The following BRINP3 variants were observed in gnomAD, a reference collection of about 807,000 sequenced individuals.
BRINP3 encodes the protein BMP/retinoic acid-inducible neural-specific protein 3.
Under a neutral mutation model 71.0 loss-of-function variants are expected in BRINP3, and 19 were observed. The ratio of observed to expected loss-of-function variants is 0.27; its 90% CI spans 0.19 to 0.39. The LOEUF is 0.39. Among genes scored for constraint, BRINP3 ranks in the 10% least tolerant of loss-of-function variants. The probability of loss-of-function intolerance (pLI) is 1.00; values close to 1 mark genes in which losing one functional copy is unlikely to be tolerated. For synonymous variants in BRINP3, 380 were observed against 337.7 expected (o/e 1.13, Z -1.37); for missense variants, 959 against 940.8 (o/e 1.02, Z -0.25).
intron 2 of BRINP3, among the ~76,000 whole-genome samples, chr1:190,347,697 A>G (rs1668115630): frequency 6.6e-6 from 1 of 152,146 alleles, no homozygotes; most frequent in Admixed American, 6.6e-5. Context: ...CTAATGCTAT[A>G]AATTTTTATT....
In BRINP3 at chr1:190,170,187, T is replaced by G. The variant is rs188404458; in HGVS notation, c.962-9297A>C. ...AACCATGAGGTAGGACAGTCTGGTT[T>G]TGTTGAGATGTGGTGTGAAATGAAT... is the stretch of plus-strand genomic sequence containing the variant. On this transcript the variant is annotated intron_variant, in intron 6 of 7. Transcript: ENST00000367462. Among the ~76,000 whole-genome samples, 258 of 152,252 alleles carry G rather than the reference T, an allele frequency of 1.7e-3. 1 individual carries two copies. Among genetic ancestry groups the G allele is most frequent in the African/African-American group, 6.1e-3 (253 of 41,548 alleles).
intron 6 of BRINP3, among the ~76,000 whole-genome samples, chr1:190,207,921 G>A (rs1024328800): frequency 6.6e-6 from 1 of 151,870 alleles, no homozygotes; most frequent in African/African-American, 2.4e-5. Context: ...AGTTGAACTC[G>A]CTCTAGGTAA....
chr1:190,157,217 G>A (rs1656949034), intron 7 of BRINP3, among the ~76,000 whole-genome samples: 1 of 151,914 alleles, frequency 6.6e-6, no homozygotes, highest in South Asian at 2.1e-4. Flanking sequence ...TTATGCATGG[G>A]TTTCGCATCC....
chr1:190,307,269 T>G (rs868567712), intron 2 of BRINP3, among the ~76,000 whole-genome samples: 85 of 123,298 alleles, frequency 6.9e-4, no homozygotes, highest in African/African-American at 1.9e-3. Context: ...TTTTTTTTTT[T>G]TTTTTTTTTT....
intron 7 of BRINP3, among the ~76,000 whole-genome samples, chr1:190,117,468 A>T (rs769587840): frequency 3.3e-5 from 5 of 151,958 alleles, no homozygotes; most frequent in Non-Finnish European, 7.4e-5. Context: ...GGACCCAGGT[A>T]TTTTTTAGCT....
chr1:190,307,272 T>G lies in BRINP3; in HGVS notation c.237-25522A>C, dbSNP rs944605768. On this transcript the variant is annotated intron_variant, in intron 2 of 7. Transcript: ENST00000367462. The stretch of plus-strand genomic sequence containing the variant: ...TTTAAAACATTGTTTTTTTTTTTTT[T>G]TTTTTTTTTTTTTTGAGACAGAGTC... Among the ~76,000 whole-genome samples the G allele has an allele frequency of 3.8e-3, 486 of 126,370 alleles. 5 individuals carry two copies. The highest frequency in any genetic ancestry group is 0.013 in the African/African-American group (455 of 33,964). 82.9% of individuals were successfully genotyped at this position (126,370 alleles called of 152,430 possible).
intron 2 of BRINP3, among the ~76,000 whole-genome samples, chr1:190,353,849 G>C (rs1268130618): frequency 6.6e-6 from 1 of 151,948 alleles, no homozygotes; most frequent in Non-Finnish European, 1.5e-5. Context: ...ATGGGGTCAA[G>C]TCTCTCCCTT....
chr1:190,463,185 A>G (rs1432233899), intron 1 of BRINP3, among the ~76,000 whole-genome samples: 2 of 151,836 alleles, frequency 1.3e-5, no homozygotes, highest in Non-Finnish European at 2.9e-5. Context: ...AAATTGCTTT[A>G]TAGTACTACT....
chr1:190,397,156 CCTT>C (rs1231781258), intron 2 of BRINP3, among the ~76,000 whole-genome samples: 1 of 151,916 alleles, frequency 6.6e-6, no homozygotes, highest in African/African-American at 2.4e-5. Context: ...CTGCCAGTCA[CCTT>C]CTTACCCCTT....
At chr1:190,399,136 T>C (rs1671766070) in intron 2 of BRINP3, among the ~76,000 whole-genome samples, 1 of 151,984 alleles carries the variant, frequency 6.6e-6, no homozygotes. Context: ...CATAAAACAA[T>C]ATAAACTAAA....
intron 6 of BRINP3, among the ~76,000 whole-genome samples, chr1:190,223,414 A>G (rs185005756): frequency 6.6e-6 from 1 of 152,078 alleles, no homozygotes; most frequent in East Asian, 1.9e-4. Context: ...AAATAAACAT[A>G]TCATTATTTC....
At chr1:190,293,364 T>C (rs935310679) in intron 2 of BRINP3, among the ~76,000 whole-genome samples, 10 of 152,178 alleles carry the variant, frequency 6.6e-5, no homozygotes, top group African/African-American at 2.4e-4. Flanking sequence ...CTAGTTTTAG[T>C]CCATTATGGT....
intron 7 of BRINP3, among the ~76,000 whole-genome samples, chr1:190,122,535 G>A (rs1385433405): frequency 7.1e-6 from 1 of 140,086 alleles, no homozygotes; most frequent in East Asian, 2.4e-4. Context: ...GGAATCACCG[G>A]CATGAAAGGC....
chr1:190,314,090 G>A (rs1002861766), intron 2 of BRINP3, among the ~76,000 whole-genome samples: 4 of 151,878 alleles, frequency 2.6e-5, no homozygotes, highest in Non-Finnish European at 4.4e-5. Context: ...TGAGTGACTT[G>A]TATATGTAGA....
Position 190,265,015 on chromosome 1 carries a change from C to T in BRINP3, c.468G>A (p.Leu156=), listed in dbSNP as rs780468454. The T allele has an allele frequency of 5.6e-6, 9 of 1,610,224 alleles. No homozygotes were observed. The highest frequency in any genetic ancestry group is 1.3e-5 in the African/African-American group (1 of 74,590). ...SLTIFVDKRK[L]SKRAEGSDST... Reference sequence around the variant, plus strand: ...AATCACTTCCTTCAGCTCGTTTGCTCAACTTCCGCTTGTCCACAAAAATTG... The same window carrying T: ...AATCACTTCCTTCAGCTCGTTTGCTTAACTTCCGCTTGTCCACAAAAATTG... The change falls in exon 4 of 8, where the codon TTG becomes TTA. Residue 156 remains leucine (L), a synonymous_variant. Transcript: ENST00000367462.
In BRINP3 at chr1:190,098,180, G is replaced by C. The variant is rs1011839809; in HGVS notation, c.2139C>G (p.Leu713=). ...LLEIRDRVNK[L]SPPGQRRLDL... ...CTAGACGACGCTGACCAGGTGGGGA[G>C]AGTTTATTTACACGGTCTCTGATCT... Residue 713 remains leucine, a synonymous_variant, in exon 8 of 8, where the codon CTC becomes CTG. Coordinates refer to ENST00000367462, the MANE Select transcript of BRINP3 (RefSeq NM_199051.3). 1 of 1,614,042 alleles carries C rather than the reference G, an allele frequency of 6.2e-7. No homozygotes were observed. The highest frequency in any genetic ancestry group is 1.3e-5 in the African/African-American group (1 of 74,916).
chr1:190,404,394 C>T (rs6695866), intron 2 of BRINP3, among the ~76,000 whole-genome samples: 26,344 of 151,918 alleles, frequency 0.17, 2,397 homozygotes, highest in East Asian at 0.22. Context: ...AAGAACCTGG[C>T]CAAAATTATG....
chr1:190,357,076 T>C (rs1668780187), intron 2 of BRINP3, among the ~76,000 whole-genome samples: 1 of 151,964 alleles, frequency 6.6e-6, no homozygotes, highest in Non-Finnish European at 1.5e-5. Context: ...TTCTTTTTCT[T>C]CCTCCTTTTT....
intron 2 of BRINP3, among the ~76,000 whole-genome samples, chr1:190,408,122 C>T (rs973233447): frequency 2.7e-5 from 4 of 147,692 alleles, no homozygotes; most frequent in East Asian, 2.1e-4. Flanking sequence ...CCCGGGTTCA[C>T]GCCATTCTCC....
Sources: gnomAD v4.1 joint callset for allele counts (sites outside exome capture counted in the v4.1 genomes callset) on GRCh38, gnomAD v4.1.1 for gene constraint, MANE v1.5 for transcripts, NCBI Gene and HGNC (gene_info 2026-07-23, HGNC 2026-07-21) for gene names.